Variants in SLC25A14 observed in about 807,000 individuals in gnomAD.
The protein encoded by SLC25A14 is solute carrier family 25 member 14.
In SLC25A14, 8 loss-of-function variants were observed where a neutral mutation model predicts 28.1. That is an observed-to-expected ratio of 0.28 (90% CI 0.17 to 0.51). SLC25A14 has a LOEUF of 0.51. SLC25A14 is among the 20% of genes least tolerant of loss of function. The pLI is 0.97. For missense variants in SLC25A14, 135 were observed against 263.8 expected (o/e 0.51, Z 3.38); for synonymous variants, 74 against 90.6 (o/e 0.82, Z 1.04).
chrX:130,341,191 A>G (rs956130876), intron 2 of SLC25A14, among the ~76,000 whole-genome samples: 4 of 112,235 alleles, frequency 3.6e-5, no homozygotes, highest in Non-Finnish European at 5.6e-5. Flanking sequence ...TGCTGGTTGT[A>G]GTCTTTTCTA....
chrX:130,352,172 G>A (rs757958135), intron 6 of SLC25A14, among the ~76,000 whole-genome samples: 12 of 111,619 alleles, frequency 1.1e-4, no homozygotes, highest in Non-Finnish European at 1.9e-4. Flanking sequence ...TGCTATCTTT[G>A]GTTTTCTGTT....
chrX:130,354,404 T>C (rs376308301), intron 6 of SLC25A14, among the ~76,000 whole-genome samples: 1 of 112,308 alleles, frequency 8.9e-6, no homozygotes, highest in Non-Finnish European at 1.9e-5. Flanking sequence ...TGAGCCACCG[T>C]GCCCGACCGC....
chrX:130,359,198 C>T, intron 7 of SLC25A14: 7 of 319,239 alleles, frequency 2.2e-5, no homozygotes, highest in South Asian at 2.0e-4. Flanking sequence ...ACTAGAAATA[C>T]AAAAATTAGC....
chrX:130,349,109 C>T, intron 4 of SLC25A14, 142 bp from the exon 5 acceptor site: 1 of 260,722 alleles, frequency 3.8e-6, no homozygotes, highest in Non-Finnish European at 7.0e-6. Context: ...CAGTTTCTTG[C>T]TGAGTGTTTC....
chrX:130,358,756 A>G, intron 7 of SLC25A14, 21 bp downstream of exon 7: 2 of 1,011,113 alleles, frequency 2.0e-6, no homozygotes, highest in Middle Eastern at 2.6e-4. Flanking sequence ...TTTTCCTGCT[A>G]TTATCCTACA....
chrX:130,369,168 C>G (rs1480193962), intron 9 of SLC25A14, among the ~76,000 whole-genome samples: 1 of 111,610 alleles, frequency 9.0e-6, no homozygotes, highest in African/African-American at 3.3e-5. Context: ...CTGTGGCTTG[C>G]ATCCTGTAGT....
chrX:130,372,524 G>A (rs1027589820), intron 10 of SLC25A14, among the ~76,000 whole-genome samples: 30 of 107,297 alleles, frequency 2.8e-4, no homozygotes, highest in African/African-American at 9.9e-4. Flanking sequence ...GTGCAGTGGC[G>A]CGATCTCGGC....
intron 6 of SLC25A14, among the ~76,000 whole-genome samples, chrX:130,355,565 C>G (rs1238113468): frequency 9.0e-6 from 1 of 111,682 alleles, no homozygotes; most frequent in Non-Finnish European, 1.9e-5. Context: ...ATGTGCATCT[C>G]ATAAAAGGAA....
At chrX:130,359,528 T>C (rs1000082474) in intron 7 of SLC25A14, among the ~76,000 whole-genome samples, 1 of 110,207 alleles carries the variant, frequency 9.1e-6, no homozygotes, top group African/African-American at 3.3e-5. Context: ...CTTTTTGTCA[T>C]ATTATCTTTC....
At chrX:130,358,880 A>T (rs2033875379) in intron 7 of SLC25A14, 145 bp downstream of exon 7, 2 of 660,766 alleles carry the variant, frequency 3.0e-6, no homozygotes, top group Admixed American at 5.7e-5. Flanking sequence ...AAGGCCCAAA[A>T]CTTATCATTG....
At position 130,346,756 on chromosome X, in the gene SLC25A14, C is replaced by T. The variant is rs747345855; in HGVS notation, c.317+65C>T. On this transcript the variant is annotated intron_variant, in intron 4 of 10. Transcript: ENST00000545805. ...TTTTTAAAGAAGCCATAGTTTTCAG[C>T]TGTCTGATAGTTTGTGTCCGTTTCA... The T allele has an allele frequency of 1.5e-3, 1,483 of 979,174 alleles. 1 individual carries two copies. The highest frequency in any genetic ancestry group is 2.0e-3 in the Non-Finnish European group (1,435 of 704,857). The allele number at this position is 979,174 out of a possible 1,213,427, so 80.7% of individuals were successfully genotyped here.
At chrX:130,358,022 C>A (rs1243618113) in intron 6 of SLC25A14, among the ~76,000 whole-genome samples, 1 of 112,023 alleles carries the variant, frequency 8.9e-6, no homozygotes, top group Non-Finnish European at 1.9e-5. Flanking sequence ...AAAATGCTTA[C>A]TTGTAGCCTC....
rs753889657 is a variant in SLC25A14 at position 130,371,860 on chromosome X, TA to T, written c.936+220del. Among the ~76,000 whole-genome samples the T allele has an allele frequency of 3.9e-3, 437 of 112,223 alleles. 1 individual carries two copies. Among genetic ancestry groups the T allele is most frequent in the African/African-American group, 0.014 (418 of 30,895 alleles). On this transcript the variant is annotated intron_variant, in intron 10 of 10. Coordinates refer to ENST00000545805, the MANE Select transcript of SLC25A14 (RefSeq NM_001282195.2). ...AAAAGATATGTCAAACTTTACTCTT[TA>T]AAACAAAATGACAACAAACACAGCT... is the stretch of plus-strand genomic sequence containing the variant.
At position 130,372,994 on chromosome X, in the gene SLC25A14, C is replaced by T. The variant is rs779617640; in HGVS notation, c.*44C>T. ...GCCCAGCCCTGCCAGCCTTTCTACTCCTTTGCCCTTTTCCCGTGTTCTAAT... is the reference window on the plus strand; with the variant it reads ...GCCCAGCCCTGCCAGCCTTTCTACTTCTTTGCCCTTTTCCCGTGTTCTAAT... On this transcript the variant is annotated 3_prime_UTR_variant, in exon 11 of 11. Transcript: ENST00000545805. 2.0e-6 allele frequency: 2 copies of T among 985,935 alleles called. No homozygotes were observed. 81.3% of individuals were successfully genotyped at this position (985,935 alleles called of 1,213,427 possible).
At chrX:130,358,514 C>T (rs997481313) in intron 6 of SLC25A14, 126 bp from the exon 7 acceptor site, 2 of 432,146 alleles carry the variant, frequency 4.6e-6, no homozygotes, top group Non-Finnish European at 4.0e-6. Context: ...AGATATTTTT[C>T]TGGGATTCCT....
At chrX:130,354,654 A>G (rs1000198001) in intron 6 of SLC25A14, among the ~76,000 whole-genome samples, 1 of 111,714 alleles carries the variant, frequency 9.0e-6, no homozygotes, top group African/African-American at 3.3e-5. Flanking sequence ...TTGGCAAACT[A>G]CTGTCTGTGG....
At chrX:130,343,820 ATATAT>A (rs1489576812) in intron 2 of SLC25A14, among the ~76,000 whole-genome samples, 2 of 112,175 alleles carry the variant, frequency 1.8e-5, no homozygotes, top group Non-Finnish European at 3.8e-5. Flanking sequence ...GGTGTTTTTC[ATATAT>A]TATTTAATTT....
chrX:130,371,173 C>T (rs1021318900), intron 9 of SLC25A14, among the ~76,000 whole-genome samples: 1 of 111,278 alleles, frequency 9.0e-6, no homozygotes, highest in African/African-American at 3.3e-5. Flanking sequence ...TATTTTATAA[C>T]CTAGCTATGG....
intron 2 of SLC25A14, among the ~76,000 whole-genome samples, chrX:130,344,457 G>A (rs1461579360): frequency 9.0e-6 from 1 of 111,371 alleles, no homozygotes; most frequent in East Asian, 2.8e-4. Flanking sequence ...GAGGCTGGGA[G>A]CAGAATACGT....
Sources: allele counts gnomAD v4.1 joint callset (sites outside exome capture counted in the v4.1 genomes callset), GRCh38; gene constraint gnomAD v4.1.1; transcripts MANE v1.5; gene names NCBI Gene and HGNC (gene_info 2026-07-23, HGNC 2026-07-21).